Variants in ACSM2B observed in about 807,000 individuals in gnomAD.
The protein encoded by ACSM2B is acyl-coenzyme A synthetase ACSM2B, mitochondrial.
A neutral mutation model predicts 78.6 loss-of-function variants in ACSM2B; 58 were observed. The observed-to-expected ratio is 0.74, with a 90% CI of 0.60 to 0.92. The LOEUF (loss-of-function observed/expected upper bound fraction) is 0.92, where lower values mean the gene tolerates loss of function less well. Among genes scored for constraint, ACSM2B ranks in the 40% least tolerant of loss-of-function variants. ACSM2B has a pLI of 0.00. For synonymous variants in ACSM2B, 257 were observed against 256.8 expected, an observed-to-expected ratio of 1.00 and a Z score of -0.01; for missense variants, 688 against 711.2, an observed-to-expected ratio of 0.97 and a Z score of 0.37.
In ACSM2B at chr16:20,552,309, G is replaced by A; in HGVS notation, c.741-12C>T. 6.2e-7 allele frequency: 1 copy of A among 1,606,090 alleles called. No homozygotes were observed. Among genetic ancestry groups the A allele is most frequent in the Non-Finnish European group, 8.5e-7 (1 of 1,176,712 alleles). On this transcript the variant is annotated splice_polypyrimidine_tract_variant and intron_variant, in intron 5 of 13. Coordinates refer to ENST00000329697, the MANE Select transcript of ACSM2B (RefSeq NM_001105069.2). ...GCAGGCCTGTCCAACTGAAAACACA[G>A]ACAAAACACATGTACATATAGGTGG...
chr16:20,547,749 A>C, intron 8 of ACSM2B: 1 of 1,059,532 alleles, frequency 9.4e-7, no homozygotes, highest in African/African-American at 1.7e-5. Context: ...TATGTGATTT[A>C]CCAACTTCTC....
chr16:20,564,476 C>T (rs1338395646), intron 2 of ACSM2B, among the ~76,000 whole-genome samples, 193 bp downstream of exon 2: 1 of 152,132 alleles, frequency 6.6e-6, no homozygotes, highest in Non-Finnish European at 1.5e-5. Context: ...CACTCCTGTG[C>T]CTTTCTTCCT....
chr16:20,549,975 C>G, intron 6 of ACSM2B: 1 of 302,086 alleles, frequency 3.3e-6, no homozygotes, highest in Non-Finnish European at 6.4e-6. Flanking sequence ...TGACACTAGG[C>G]TTTTTAGACA....
In ACSM2B at chr16:20,546,378, A is replaced by C. The variant is rs767584308; in HGVS notation, c.1179+16T>G. 2 of 1,584,344 alleles carry C rather than the reference A, an allele frequency of 1.3e-6. No homozygotes were observed. The highest frequency in any genetic ancestry group is 3.7e-5 in the Admixed American group (2 of 54,338). On this transcript the variant is annotated intron_variant, in intron 9 of 13. Coordinates refer to ENST00000329697, the MANE Select transcript of ACSM2B (RefSeq NM_001105069.2). ...GTTTCCCCTAACTTCCTCCCTCCTC[A>C]GTGTCCCGAGCAAACCTGTACATCA...
chr16:20,554,907 C>T (rs921492535), intron 4 of ACSM2B, among the ~76,000 whole-genome samples: 1 of 152,242 alleles, frequency 6.6e-6, no homozygotes, highest in Non-Finnish European at 1.5e-5. Flanking sequence ...GCATGGAACT[C>T]TGACCCACTC....
At chr16:20,563,540 C>A (rs1262878552) in intron 2 of ACSM2B, among the ~76,000 whole-genome samples, 2 of 151,912 alleles carry the variant, frequency 1.3e-5, no homozygotes, top group South Asian at 4.2e-4. Flanking sequence ...GTAGTAAGGG[C>A]CTTCCTGAAT....
intron 12 of ACSM2B, 109 bp downstream of exon 12, chr16:20,542,805 A>C: frequency 7.1e-7 from 1 of 1,405,474 alleles, no homozygotes; most frequent in African/African-American, 1.5e-5. Flanking sequence ...GGCAGGGCCA[A>C]GATTGGGTCT....
chr16:20,555,998 T>C (rs1012486201), intron 3 of ACSM2B, among the ~76,000 whole-genome samples: 6 of 152,128 alleles, frequency 3.9e-5, no homozygotes, highest in Non-Finnish European at 8.8e-5. Flanking sequence ...TATATATTTA[T>C]TGGGTACAAA....
chr16:20,542,893 A>G, intron 12 of ACSM2B, 21 bp downstream of exon 12: 13 of 1,613,118 alleles, frequency 8.1e-6, no homozygotes, highest in Non-Finnish European at 1.1e-5. Context: ...GTTCACCCCC[A>G]GGCTACTGCT....
chr16:20,542,757 G>C lies in ACSM2B; in HGVS notation c.1509+157C>G, dbSNP rs530746979. 324 of 936,030 alleles carry C rather than the reference G, an allele frequency of 3.5e-4. 1 individual carries two copies. The highest frequency in any genetic ancestry group is 1.1e-4 in the East Asian group (4 of 37,602). 58.0% of individuals were successfully genotyped at this position (936,030 alleles called of 1,614,324 possible). On this transcript the variant is annotated intron_variant, in intron 12 of 13. Transcript: ENST00000329697. ...AGATGAAGAAACTGAGAAACAGAGAGGCCAAGTAGCTTACCCAAGGTCACA... is the reference window on the plus strand; with the variant it reads ...AGATGAAGAAACTGAGAAACAGAGACGCCAAGTAGCTTACCCAAGGTCACA...
chr16:20,572,242 C>T (rs1211865898), intron 1 of ACSM2B, among the ~76,000 whole-genome samples: 3 of 148,080 alleles, frequency 2.0e-5, no homozygotes, highest in Admixed American at 2.0e-4. Context: ...TTTAAAGCTC[C>T]TTTTAGCAGT....
At chr16:20,563,753 G>C (rs1288199202) in intron 2 of ACSM2B, among the ~76,000 whole-genome samples, 1 of 151,774 alleles carries the variant, frequency 6.6e-6, no homozygotes, top group African/African-American at 2.4e-5. Flanking sequence ...AGGGAACTTA[G>C]GACATCATGT....
chr16:20,546,293 G>C, intron 9 of ACSM2B, 101 bp downstream of exon 9: 2 of 1,472,418 alleles, frequency 1.4e-6, no homozygotes, highest in South Asian at 3.2e-5. Context: ...CTTAATATCA[G>C]TACTTTCTAT....
At chr16:20,553,685 G>A in intron 5 of ACSM2B, 92 bp downstream of exon 5, 1 of 1,524,694 alleles carries the variant, frequency 6.6e-7, no homozygotes, top group Admixed American at 2.1e-5. Flanking sequence ...ACCACAAGGT[G>A]GTGACACAGC....
intron 6 of ACSM2B, chr16:20,549,825 A>C (rs1435518546): frequency 4.5e-6 from 2 of 447,490 alleles, no homozygotes; most frequent in Non-Finnish European, 8.9e-6. Context: ...CTTCCAGCTT[A>C]TAGGTAGATT....
chr16:20,544,732 G>C (rs2015087037), intron 10 of ACSM2B: 1 of 985,816 alleles, frequency 1.0e-6, no homozygotes, highest in Admixed American at 6.1e-5. Flanking sequence ...TCTGAAGATA[G>C]GGATTCCTCC....
chr16:20,559,797 T>C (rs1259491147), intron 2 of ACSM2B, among the ~76,000 whole-genome samples: 4 of 151,010 alleles, frequency 2.6e-5, no homozygotes, highest in African/African-American at 9.9e-5. Flanking sequence ...ATTTATTGCA[T>C]CTATTTATTC....
At chr16:20,549,997 A>AT in intron 6 of ACSM2B, 1 of 271,716 alleles carries the variant, frequency 3.7e-6, no homozygotes, top group East Asian at 1.6e-4. Flanking sequence ...AATAGGTTTT[A>AT]ATTTTTTTTT....
In ACSM2B at chr16:20,555,620, G is replaced by A. The variant is rs2015450930; in HGVS notation, c.389-144C>T. 12 of 1,461,604 alleles carry A rather than the reference G, an allele frequency of 8.2e-6. 1 individual carries two copies. The highest frequency in any genetic ancestry group is 1.1e-5 in the Non-Finnish European group (12 of 1,106,166). 90.5% of individuals were successfully genotyped at this position (1,461,604 alleles called of 1,614,324 possible). The stretch of plus-strand genomic sequence containing the variant: ...CAATGGAGAACGTCAATAAAAAAGG[G>A]GACTAAGGACTAGGGAGTGAATGAA... On this transcript the variant is annotated intron_variant, in intron 3 of 13. Transcript: ENST00000329697.
Sources: allele counts gnomAD v4.1 joint callset (sites outside exome capture counted in the v4.1 genomes callset), GRCh38; gene constraint gnomAD v4.1.1; transcripts MANE v1.5; gene names NCBI Gene and HGNC (gene_info 2026-07-23, HGNC 2026-07-21).